SUGCT: variants seen among roughly 807,000 people sequenced by gnomAD.
SUGCT encodes the protein succinyl-CoA:glutarate CoA-transferase.
SUGCT carries 41 observed loss-of-function variants against 55.0 expected under a neutral mutation model. The ratio of observed to expected loss-of-function variants is 0.74; its 90% CI spans 0.58 to 0.97. The LOEUF is 0.97. Among genes scored for constraint, SUGCT ranks in the 50% least tolerant of loss-of-function variants. The pLI, the probability that SUGCT is intolerant of heterozygous loss-of-function variation, is 0.00. For synonymous variants in SUGCT, 187 were observed against 200.4 expected, an observed-to-expected ratio of 0.93 and a Z score of 0.56; for missense variants, 568 against 547.8, an observed-to-expected ratio of 1.04 and a Z score of -0.37.
intron 1 of SUGCT, among the ~76,000 whole-genome samples, chr7:40,166,555 C>T (rs1584236481): frequency 1.3e-5 from 2 of 152,234 alleles, no homozygotes; most frequent in South Asian, 4.1e-4. Context: ...CAACAAGAAA[C>T]CTTTATACGC....
the SUGCT span, among the ~76,000 whole-genome samples, chr7:40,969,155 C>A: frequency 2.6e-5 from 4 of 152,210 alleles, no homozygotes; most frequent in African/African-American, 4.8e-5. Context: ...TATTCCAGAG[C>A]CTTTCTTGGG....
At chr7:40,736,618 A>T (rs1243311367) in intron 12 of SUGCT, among the ~76,000 whole-genome samples, 1 of 152,090 alleles carries the variant, frequency 6.6e-6, no homozygotes, top group African/African-American at 2.4e-5. Flanking sequence ...TACAAAGCAA[A>T]GACAATTAGA....
chr7:40,516,107 T>C (rs559047333), intron 12 of SUGCT, among the ~76,000 whole-genome samples: 1 of 152,302 alleles, frequency 6.6e-6, no homozygotes, highest in East Asian at 1.9e-4. Context: ...ATTACACTAA[T>C]GACAATGATG....
chr7:40,398,321 A>G (rs1426625164), intron 9 of SUGCT, among the ~76,000 whole-genome samples: 1 of 151,988 alleles, frequency 6.6e-6, no homozygotes, highest in Non-Finnish European at 1.5e-5. Flanking sequence ...TGAACTCCTG[A>G]CCTCAAGTGA....
chr7:40,210,882 A>G (rs896079084), intron 6 of SUGCT, among the ~76,000 whole-genome samples: 1 of 152,198 alleles, frequency 6.6e-6, no homozygotes, highest in Non-Finnish European at 1.5e-5. Context: ...GGTGATCAGA[A>G]TGAGTCAGGG....
chr7:40,183,217 G>A (rs1785316081), intron 3 of SUGCT, among the ~76,000 whole-genome samples: 1 of 152,234 alleles, frequency 6.6e-6, no homozygotes, highest in Admixed American at 6.5e-5. Flanking sequence ...AGGTTTCAGT[G>A]AGCCGAGGTC....
intron 11 of SUGCT, among the ~76,000 whole-genome samples, chr7:40,492,647 C>G (rs866180181): frequency 6.6e-6 from 1 of 152,208 alleles, no homozygotes; most frequent in Non-Finnish European, 1.5e-5. Flanking sequence ...ATATTGCTCT[C>G]TCTACCTGGA....
In SUGCT at chr7:40,671,508, T is replaced by A. The variant is rs141055444; in HGVS notation, c.1090-77926T>A. Among the ~76,000 whole-genome samples the A allele has an allele frequency of 4.6e-5, 7 of 152,316 alleles. No homozygotes were observed. In the East Asian group the frequency reaches 1.4e-3, roughly 29 times the overall value. On this transcript the variant is annotated intron_variant, in intron 12 of 13. Transcript: ENST00000335693. The stretch of plus-strand genomic sequence containing the variant: ...ATACTTCTAGAACTAAAGATTGAGT[T>A]CAACAAGTTAGGGGGTGCATGTTAA...
At chr7:40,951,422 A>AT in the SUGCT span, among the ~76,000 whole-genome samples, 37 of 152,040 alleles carry the variant, frequency 2.4e-4, no homozygotes, top group Middle Eastern at 3.4e-3. Context: ...AGATTCATTG[A>AT]TTTTTTGAAG....
chr7:40,288,642 A>G (rs1288524446), intron 8 of SUGCT, among the ~76,000 whole-genome samples: 1 of 152,010 alleles, frequency 6.6e-6, no homozygotes, highest in Admixed American at 6.6e-5. Context: ...TATTACCGAC[A>G]CCTATAATTT....
At position 40,816,882 on chromosome 7, in the gene SUGCT, C is replaced by T. The variant is rs547862507; in HGVS notation, c.1154-43434C>T. ...TTAGCTATGGCCATTAACTCCAGAA[C>T]CAGGGCTTGGTTTGGTAGGAGTATA... On this transcript the variant is annotated intron_variant, in intron 13 of 13. Coordinates refer to ENST00000335693, the MANE Select transcript of SUGCT (RefSeq NM_001193313.2). Among the ~76,000 whole-genome samples the T allele has an allele frequency of 2.6e-5, 4 of 152,252 alleles. No homozygotes were observed. In the East Asian group the frequency reaches 7.7e-4, roughly 29 times the overall value.
At chr7:40,872,483 A>G in the SUGCT span, among the ~76,000 whole-genome samples, 1 of 152,328 alleles carries the variant, frequency 6.6e-6, no homozygotes, top group South Asian at 2.1e-4. Flanking sequence ...CACAAGTCAA[A>G]TTACAGGGAA....
intron 12 of SUGCT, among the ~76,000 whole-genome samples, chr7:40,663,709 C>T (rs770423674): frequency 1.3e-5 from 2 of 152,030 alleles, no homozygotes; most frequent in Non-Finnish European, 2.9e-5. Context: ...TGAAAATAAG[C>T]GTGCTTCAAT....
chr7:40,842,393 G>A (rs1435249649), intron 13 of SUGCT, among the ~76,000 whole-genome samples: 3 of 152,066 alleles, frequency 2.0e-5, no homozygotes, highest in Non-Finnish European at 4.4e-5. Flanking sequence ...GTGTTTTCCT[G>A]ACTCATTTTG....
intron 1 of SUGCT, among the ~76,000 whole-genome samples, chr7:40,174,464 A>G (rs1318863931): frequency 6.6e-6 from 1 of 152,190 alleles, no homozygotes; most frequent in African/African-American, 2.4e-5. Flanking sequence ...ATTATATGTA[A>G]GTCATTCTTC....
At chr7:41,023,383 G>A in the SUGCT span, among the ~76,000 whole-genome samples, 2 of 151,798 alleles carry the variant, frequency 1.3e-5, no homozygotes, top group Non-Finnish European at 2.9e-5. Context: ...ATACAGGAAA[G>A]CATTCATCAA....
In SUGCT at chr7:40,702,038, G is replaced by T. The variant is rs750667893; in HGVS notation, c.1090-47396G>T. ...AATCCACCTGGGTTACATCATCACA[G>T]GATTCAACTCTCACTTTGTCATTAG... On this transcript the variant is annotated intron_variant, in intron 12 of 13. Transcript: ENST00000335693. 1.4e-4 allele frequency among the ~76,000 whole-genome samples: 22 copies of T among 152,204 alleles called. 1 individual carries two copies. The highest frequency in any genetic ancestry group is 6.5e-5 in the Admixed American group (1 of 15,270).
intron 12 of SUGCT, among the ~76,000 whole-genome samples, chr7:40,732,241 T>C (rs1020658056): frequency 1.3e-5 from 2 of 152,318 alleles, no homozygotes; most frequent in Admixed American, 1.3e-4. Context: ...CCATTCTCTG[T>C]CTGGCTGGTG....
intron 12 of SUGCT, among the ~76,000 whole-genome samples, chr7:40,579,976 A>T (rs926764978): frequency 3.9e-5 from 6 of 152,214 alleles, no homozygotes; most frequent in African/African-American, 1.4e-4. Context: ...ACTGTAAAGT[A>T]ACTTATCCAG....
Sources: gnomAD v4.1 joint callset for allele counts (sites outside exome capture counted in the v4.1 genomes callset) on GRCh38, gnomAD v4.1.1 for gene constraint, MANE v1.5 for transcripts, NCBI Gene and HGNC (gene_info 2026-07-23, HGNC 2026-07-21) for gene names.